MYO19: variants seen among roughly 807,000 people sequenced by gnomAD.
The protein encoded by MYO19 is unconventional myosin-XIX.
A neutral mutation model predicts 129.2 loss-of-function variants in MYO19; 132 were observed. That is an observed-to-expected ratio of 1.02 (90% CI 0.89 to 1.18). MYO19 has a LOEUF of 1.18. Ranked by LOEUF, MYO19 falls within the 50% of genes most tolerant of loss-of-function variation. The pLI, the probability that MYO19 is intolerant of heterozygous loss-of-function variation, is 0.00. For synonymous variants in MYO19, 531 were observed against 477.2 expected (o/e 1.11, Z -1.47); for missense variants, 1,210 against 1,216.7 (o/e 0.99, Z 0.08).
Position 36,534,866 on chromosome 17 carries a change from G to A in MYO19, c.-401C>T, listed in dbSNP as rs959667513. Reference sequence around the variant, plus strand: ...GGAAGAACACGGGCAGGAGAGAAAAGAGGAGGGGCAAGAGCGTGCAGTGAG... The same window carrying A: ...GGAAGAACACGGGCAGGAGAGAAAAAAGGAGGGGCAAGAGCGTGCAGTGAG... On this transcript the variant is annotated 5_prime_UTR_variant, in exon 1 of 26. Coordinates refer to ENST00000614623, the MANE Select transcript of MYO19 (RefSeq NM_001163735.2). 1.3e-5 allele frequency: 2 copies of A among 152,418 alleles called. No individual in the cohort carries two copies. Among genetic ancestry groups the A allele is most frequent in the Non-Finnish European group, 2.9e-5 (2 of 68,186 alleles). 9.4% of individuals were successfully genotyped at this position (152,418 alleles called of 1,614,324 possible). A position where few individuals can be genotyped will look rare whatever the true frequency, so the allele number is the denominator to read the frequency against.
chr17:36,513,674 C>T lies in MYO19; in HGVS notation c.772G>A (p.Gly258Arg), dbSNP rs2072528611. ...DERLQWHLPE[G>R]AAFSWLPNPE... ...TTGGGCAGCCAGGAGAAGGCAGCTC[C>T]CTCAGGAAGGTGCCACTGGAGCCTC... is the stretch of plus-strand genomic sequence containing the variant. Residue 258 changes from glycine (G) to arginine (R), a missense_variant, in exon 10 of 26, where the codon GGA becomes AGA. Gly to Arg is a moderately radical substitution (Grantham distance 125). Coordinates refer to ENST00000614623, the MANE Select transcript of MYO19 (RefSeq NM_001163735.2). 6.2e-7 allele frequency: 1 copy of T among 1,613,844 alleles called. No individual in the cohort carries two copies. Among genetic ancestry groups the T allele is most frequent in the African/African-American group, 1.3e-5 (1 of 74,904 alleles).
chr17:36,503,059 G>A, intron 21 of MYO19, 38 bp downstream of exon 21: 1 of 1,529,754 alleles, frequency 6.5e-7, no homozygotes, highest in Non-Finnish European at 9.1e-7. Flanking sequence ...TCAGTAAACT[G>A]TGGTTGCACA....
At chr17:36,513,383 GC>G in intron 11 of MYO19, 45 bp downstream of exon 11, 1 of 1,613,932 alleles carries the variant, frequency 6.2e-7, no homozygotes, top group Non-Finnish European at 8.5e-7. Flanking sequence ...GCAAAGGGCT[GC>G]CCGTCATCTC....
intron 19 of MYO19, chr17:36,504,347 T>C: frequency 3.3e-6 from 1 of 301,554 alleles, no homozygotes. Flanking sequence ...CAGGCAAATT[T>C]CCAGTTTGGA....
chr17:36,525,178 G>A, intron 6 of MYO19, 50 bp downstream of exon 6: 2 of 1,398,920 alleles, frequency 1.4e-6, no homozygotes, highest in South Asian at 2.3e-5. Context: ...CTGCCTCCCT[G>A]TCCACCCAGC....
chr17:36,538,684 G>T, upstream of MYO19: 2 of 1,325,246 alleles, frequency 1.5e-6, no homozygotes, highest in Non-Finnish European at 2.1e-6. Flanking sequence ...TAAAGAAATT[G>T]TGCTTTTGGC....
intron 5 of MYO19, 134 bp downstream of exon 5, chr17:36,527,417 G>C (rs1205656192): frequency 1.0e-6 from 1 of 966,500 alleles, no homozygotes; most frequent in Non-Finnish European, 1.5e-6. Flanking sequence ...GCTCCTATTG[G>C]GCAGGCCGTG....
intron 13 of MYO19, 66 bp from the exon 14 acceptor site, chr17:36,509,201 CT>C: frequency 6.8e-7 from 1 of 1,465,186 alleles, no homozygotes; most frequent in East Asian, 2.3e-5. Context: ...GGTAAAATTG[CT>C]CCCCCCATCA....
chr17:36,496,671 A>G (rs1268514308), intron 25 of MYO19, among the ~76,000 whole-genome samples: 1 of 152,154 alleles, frequency 6.6e-6, no homozygotes, highest in East Asian at 1.9e-4. Context: ...CCTTCTGTTT[A>G]GCAGGCCTGT....
At chr17:36,513,316 C>A (rs899354735) in intron 11 of MYO19, 113 bp downstream of exon 11, 5 of 1,588,560 alleles carry the variant, frequency 3.1e-6, no homozygotes, top group African/African-American at 1.3e-5. Flanking sequence ...CACAGAAGGG[C>A]CCAAAGTCCT....
chr17:36,528,379 C>T (rs1445306616), intron 3 of MYO19, among the ~76,000 whole-genome samples, 177 bp from the exon 4 acceptor site: 3 of 152,086 alleles, frequency 2.0e-5, no homozygotes, highest in South Asian at 4.1e-4. Flanking sequence ...GGCATGGTGG[C>T]GGGCACCTGT....
chr17:36,507,433 C>T lies in MYO19; in HGVS notation c.1433G>A (p.Gly478Glu). The change falls in exon 16 of 26, where the codon GGA becomes GAA. Residue 478 changes from glycine (G) to glutamate (E), a missense_variant. Transcript: ENST00000614623. ...GAGGGAGCAGATGCTGATGGGGCTT[C>T]CCTCAATGAGATCCAAACAGGGCTG... The part of the protein sequence containing the change: ...DNQPCLDLIE[G>E]SPISICSLIN... The T allele has an allele frequency of 6.2e-7, 1 of 1,613,680 alleles. No individual in the cohort carries two copies. The highest frequency in any genetic ancestry group is 8.5e-7 in the Non-Finnish European group (1 of 1,179,866).
At chr17:36,510,492 T>G (rs566628202) in intron 13 of MYO19, among the ~76,000 whole-genome samples, 1 of 152,330 alleles carries the variant, frequency 6.6e-6, no homozygotes, top group African/African-American at 2.4e-5. Context: ...CCTCCTGAAC[T>G]TTAATAATGA....
At chr17:36,521,681 C>T (rs2073136991) in intron 6 of MYO19, among the ~76,000 whole-genome samples, 1 of 152,010 alleles carries the variant, frequency 6.6e-6, no homozygotes. Context: ...TACCTAAAAC[C>T]TTTGGGGGAA....
rs2071257148 is a variant in MYO19 at position 36,499,017 on chromosome 17, TC to T, written c.2463+57del. The T allele has an allele frequency of 3.6e-6, 5 of 1,378,398 alleles. 1 individual carries two copies. In the South Asian group the frequency reaches 6.2e-5, roughly 17 times the overall value. The allele number at this position is 1,378,398 out of a possible 1,614,324, so 85.4% of individuals were successfully genotyped here. A position where few individuals can be genotyped will look rare whatever the true frequency, so the allele number is the denominator to read the frequency against. On this transcript the variant is annotated intron_variant, in intron 24 of 25. Transcript: ENST00000614623. ...GGCAGAGCCAGCATTCCCACTCGGG[TC>T]CATCTGGTCCCCAAAATTGATCCAC...
At chr17:36,511,547 G>T in intron 11 of MYO19, 92 bp from the exon 12 acceptor site, 1 of 1,107,950 alleles carries the variant, frequency 9.0e-7, no homozygotes, top group Non-Finnish European at 1.3e-6. Context: ...AATCACGACA[G>T]CAGAAGGGCA....
chr17:36,535,235 G>A (rs1597769634), upstream of MYO19: 1 of 152,278 alleles, frequency 6.6e-6, no homozygotes, highest in East Asian at 1.9e-4. Flanking sequence ...GTGCGAGGCC[G>A]GCGGACACCA....
At position 36,507,062 on chromosome 17, in the gene MYO19, GC is replaced by G; in HGVS notation, c.1544del (p.Cys515SerfsTer41). On this transcript the variant is annotated frameshift_variant, in exon 17 of 26. Transcript: ENST00000614623. LOFTEE classifies it high-confidence loss of function. ...RIETALAGSP[C>X]LGHNKLSREP... is the part of the protein sequence containing the mutation. ...CCCGGCTGAGCTTATTGTGGCCCAG[GC>G]AGGGGCTGCCTGCCAGGGCAGTCTC... 6.2e-7 allele frequency: 1 copy of G among 1,613,650 alleles called. No homozygotes were observed. The highest frequency in any genetic ancestry group is 8.5e-7 in the Non-Finnish European group (1 of 1,179,664).
chr17:36,506,093 A>G (rs2071862261), intron 18 of MYO19, among the ~76,000 whole-genome samples: 1 of 152,120 alleles, frequency 6.6e-6, no homozygotes, highest in South Asian at 2.1e-4. Context: ...TAGAAAGCAG[A>G]CGATGTGAGA....
Sources: gnomAD v4.1 joint callset for allele counts (sites outside exome capture counted in the v4.1 genomes callset) on GRCh38, gnomAD v4.1.1 for gene constraint, MANE v1.5 for transcripts, NCBI Gene and HGNC (gene_info 2026-07-23, HGNC 2026-07-21) for gene names.